AOPEP: variants seen among roughly 807,000 people sequenced by gnomAD.
AOPEP encodes the protein aminopeptidase O.
Under a neutral mutation model 98.1 loss-of-function variants are expected in AOPEP, and 77 were observed. The ratio of observed to expected loss-of-function variants is 0.78; its 90% CI spans 0.65 to 0.95. AOPEP has a LOEUF of 0.95. Among genes scored for constraint, AOPEP ranks in the 40% least tolerant of loss-of-function variants. AOPEP has a pLI of 0.00. For missense variants in AOPEP, 1,024 were observed against 1,024.7 expected (o/e 1.00, Z 0.01); for synonymous variants, 346 against 365.3 (o/e 0.95, Z 0.60).
intron 1 of AOPEP, among the ~76,000 whole-genome samples, chr9:94,745,425 G>A (rs1342820252): frequency 6.6e-6 from 1 of 152,008 alleles, no homozygotes; most frequent in East Asian, 1.9e-4. Flanking sequence ...ACAGGCGCCT[G>A]CCACCATGCC....
chr9:94,996,323 C>G (rs1564497811), intron 11 of AOPEP, among the ~76,000 whole-genome samples: 1 of 151,600 alleles, frequency 6.6e-6, no homozygotes, highest in Non-Finnish European at 1.5e-5. Flanking sequence ...CACTCCACCC[C>G]CCACATGTGG....
intron 5 of AOPEP, among the ~76,000 whole-genome samples, chr9:94,832,404 G>A (rs79634589): frequency 0.089 from 13,503 of 152,248 alleles, 719 homozygotes; most frequent in African/African-American, 0.13. Flanking sequence ...ACATCCAAGA[G>A]TTTGACAACG....
At chr9:94,836,462 A>G (rs1448514609) in intron 5 of AOPEP, among the ~76,000 whole-genome samples, 2 of 152,178 alleles carry the variant, frequency 1.3e-5, no homozygotes. Flanking sequence ...TTTCCCTAAT[A>G]GTTAATGATA....
chr9:95,090,913 C>G (rs1244296890), downstream of AOPEP, among the ~76,000 whole-genome samples: 3 of 152,180 alleles, frequency 2.0e-5, no homozygotes, highest in African/African-American at 7.2e-5. Context: ...ACCTTGCCTG[C>G]AGCATGGAGG....
the AOPEP span, chr9:95,106,996 C>T: frequency 5.0e-5 from 75 of 1,485,968 alleles, no homozygotes; most frequent in Middle Eastern, 1.8e-4. Flanking sequence ...GCCAGACCCT[C>T]GGACAGGTAA....
chr9:94,857,827 A>G (rs967206983), intron 5 of AOPEP, among the ~76,000 whole-genome samples: 4 of 152,346 alleles, frequency 2.6e-5, no homozygotes, highest in Non-Finnish European at 2.9e-5. Flanking sequence ...GGCAAAAATG[A>G]AAACACAGAT....
At chr9:94,757,540 A>G (rs1347272683) in intron 1 of AOPEP, among the ~76,000 whole-genome samples, 1 of 152,250 alleles carries the variant, frequency 6.6e-6, no homozygotes, top group African/African-American at 2.4e-5. Context: ...ACCAGAAACA[A>G]AAGTGGTGAC....
intron 9 of AOPEP, among the ~76,000 whole-genome samples, chr9:94,959,702 T>C (rs2058690530): frequency 6.6e-6 from 1 of 152,230 alleles, no homozygotes; most frequent in Non-Finnish European, 1.5e-5. Context: ...CAGAAATACC[T>C]ATAATTAATA....
chr9:95,145,797 C>T, the AOPEP span, among the ~76,000 whole-genome samples: 60 of 152,254 alleles, frequency 3.9e-4, 1 homozygote, highest in Admixed American at 1.3e-4. Context: ...TCCAGAGGCA[C>T]GCACCCTTTA....
chr9:94,903,676 C>T lies in AOPEP; in HGVS notation c.1365-20310C>T, dbSNP rs376406098. On this transcript the variant is annotated intron_variant, in intron 5 of 16. Transcript: ENST00000375315. ...TTTGCCTGGGTGTGGTGGCATGCAC[C>T]TGTAGTCCTTGCTTCTTGGAGGACT... Among the ~76,000 whole-genome samples, 11 of 151,200 alleles carry T rather than the reference C, an allele frequency of 7.3e-5. No individual in the cohort carries two copies. The East Asian group carries it at 7.8e-4, about 11-fold the overall frequency.
In AOPEP at chr9:95,083,534, C is replaced by T. The variant is rs968037525; in HGVS notation, c.*4+815C>T. ...TGGAGCACCCACAGCACACACACCACGCAGAGTACACGCGGCACACACACC... is the reference window on the plus strand; with the variant it reads ...TGGAGCACCCACAGCACACACACCATGCAGAGTACACGCGGCACACACACC... On this transcript the variant is annotated intron_variant, in intron 16 of 16. Coordinates refer to ENST00000375315, the MANE Select transcript of AOPEP (RefSeq NM_001193329.3). Among the ~76,000 whole-genome samples, 7 of 150,772 alleles carry T rather than the reference C, an allele frequency of 4.6e-5. No individual in the cohort carries two copies. In the South Asian group the frequency reaches 6.3e-4, roughly 14 times the overall value.
intron 1 of AOPEP, among the ~76,000 whole-genome samples, chr9:94,740,458 T>C (rs974779076): frequency 6.6e-6 from 1 of 152,196 alleles, no homozygotes; most frequent in Non-Finnish European, 1.5e-5. Context: ...TCATAAAATA[T>C]AGAAAATAAA....
chr9:94,799,297 A>G (rs1847706326), intron 4 of AOPEP, among the ~76,000 whole-genome samples: 1 of 152,024 alleles, frequency 6.6e-6, no homozygotes, highest in African/African-American at 2.4e-5. Flanking sequence ...GCTCATGCCT[A>G]TGATTCCAGC....
chr9:94,901,366 A>G (rs1235310999), intron 5 of AOPEP, among the ~76,000 whole-genome samples: 2 of 152,064 alleles, frequency 1.3e-5, no homozygotes. Flanking sequence ...AGTATAGTAT[A>G]GTACATGTTT....
intron 6 of AOPEP, among the ~76,000 whole-genome samples, chr9:94,926,674 T>A (rs2054389874): frequency 1.3e-5 from 2 of 151,936 alleles, no homozygotes; most frequent in Non-Finnish European, 2.9e-5. Flanking sequence ...TCCCAGGTGC[T>A]CCTGGCCAGC....
intron 5 of AOPEP, among the ~76,000 whole-genome samples, chr9:94,888,294 CGTGTGTGTGTGTGTGTGT>C (rs59342995): frequency 3.6e-5 from 5 of 137,590 alleles, no homozygotes; most frequent in Admixed American, 1.5e-4. Context: ...AGAACCTTAC[CGTGTGTGTGTGTGTGTGT>C]GTGTGTGTGT....
At chr9:94,827,295 C>G (rs994278620) in intron 5 of AOPEP, among the ~76,000 whole-genome samples, 1 of 152,158 alleles carries the variant, frequency 6.6e-6, no homozygotes, top group African/African-American at 2.4e-5. Flanking sequence ...TTTTTAACAA[C>G]TCTGTAAAGT....
At chr9:95,147,441 G>A in the AOPEP span, among the ~76,000 whole-genome samples, 6 of 152,148 alleles carry the variant, frequency 3.9e-5, no homozygotes, top group Non-Finnish European at 7.3e-5. Flanking sequence ...ACTTGAACCC[G>A]GAAGGCAGAG....
the AOPEP span, chr9:95,100,043 G>T: frequency 8.6e-6 from 2 of 232,380 alleles, no homozygotes; most frequent in African/African-American, 2.2e-5. Context: ...GTCCACAGAG[G>T]AGTCACAGCT....
Sources: allele counts gnomAD v4.1 joint callset (sites outside exome capture counted in the v4.1 genomes callset), GRCh38; gene constraint gnomAD v4.1.1; transcripts MANE v1.5; gene names NCBI Gene and HGNC (gene_info 2026-07-23, HGNC 2026-07-21).